VDAC2: variants seen among roughly 807,000 people sequenced by gnomAD.
The protein encoded by VDAC2 is non-selective voltage-gated ion channel VDAC2.
In VDAC2, 6 loss-of-function variants were observed where a neutral mutation model predicts 36.6. That is an observed-to-expected ratio of 0.16 (90% confidence interval 0.09 to 0.32). The LOEUF (loss-of-function observed/expected upper bound fraction) is 0.32, where lower values mean the gene tolerates loss of function less well. VDAC2 is among the 10% of genes least tolerant of loss of function. VDAC2 has a pLI of 1.00. For synonymous variants in VDAC2, 109 were observed against 123.8 expected (o/e 0.88, Z 0.79); for missense variants, 247 against 346.0 (o/e 0.71, Z 2.27).
chr10:75,211,363 T>G, intron 2 of VDAC2, 174 bp downstream of exon 2: 2 of 1,395,366 alleles, frequency 1.4e-6, no homozygotes, highest in East Asian at 2.6e-5. Context: ...GCTGCTGGAT[T>G]TCAAATGGGG....
At chr10:75,227,577 A>ATTTTTTTTTTTTTTTTTTTTTTTT (rs35378957) in intron 8 of VDAC2, among the ~76,000 whole-genome samples, 2 of 99,928 alleles carry the variant, frequency 2.0e-5, no homozygotes, top group African/African-American at 9.0e-5. Context: ...AATAATAGGA[A>ATTTTTTTTTTTTTTTTTTTTTTTT]TTTTTTTTTT....
In VDAC2 at chr10:75,220,658, C is replaced by T. The variant is rs562203066; in HGVS notation, c.357-85C>T. 7 of 1,134,004 alleles carry T rather than the reference C, an allele frequency of 6.2e-6. No individual in the cohort carries two copies. In the South Asian group the frequency reaches 1.1e-4, roughly 17 times the overall value. 70.2% of individuals were successfully genotyped at this position (1,134,004 alleles called of 1,614,324 possible). On this transcript the variant is annotated intron_variant, in intron 6 of 9. Coordinates refer to ENST00000332211, the MANE Select transcript of VDAC2 (RefSeq NM_001391963.1). Reference sequence around the variant, plus strand: ...TGATTTTTACTCCCTGGTCATACTGCAGTTTATTTAAGTCTGTTTTGTGCT... The same window carrying T: ...TGATTTTTACTCCCTGGTCATACTGTAGTTTATTTAAGTCTGTTTTGTGCT...
At chr10:75,215,723 T>TC (rs1338605985) in intron 4 of VDAC2, among the ~76,000 whole-genome samples, 1 of 147,196 alleles carries the variant, frequency 6.8e-6, no homozygotes. Flanking sequence ...TTTGTTTTGT[T>TC]TTTTTTTTTT....
At chr10:75,227,227 C>G (rs1187645696) in intron 8 of VDAC2, among the ~76,000 whole-genome samples, 4 of 152,242 alleles carry the variant, frequency 2.6e-5, no homozygotes, top group African/African-American at 9.6e-5. Flanking sequence ...CTGTGTGCCA[C>G]CCTAGGAAAT....
chr10:75,230,804 C>A, intron 9 of VDAC2, 94 bp from the exon 10 acceptor site: 2 of 1,055,038 alleles, frequency 1.9e-6, no homozygotes, highest in Non-Finnish European at 2.7e-6. Context: ...AAGTGACAGG[C>A]AGGCTCTGGG....
At chr10:75,229,116 G>C (rs1842038929) in intron 8 of VDAC2, among the ~76,000 whole-genome samples, 2 of 152,102 alleles carry the variant, frequency 1.3e-5, no homozygotes, top group South Asian at 4.1e-4. Flanking sequence ...GAGGATAAAG[G>C]ATTGTTTGAT....
intron 4 of VDAC2, among the ~76,000 whole-genome samples, 200 bp downstream of exon 4, chr10:75,214,270 A>T (rs1841528951): frequency 6.6e-6 from 1 of 152,222 alleles, no homozygotes. Context: ...TCGTCATATT[A>T]TGTATGCACA....
At chr10:75,217,315 G>A (rs765589916) in intron 4 of VDAC2, among the ~76,000 whole-genome samples, 3 of 152,144 alleles carry the variant, frequency 2.0e-5, no homozygotes, top group East Asian at 1.9e-4. Flanking sequence ...TAAATGACAC[G>A]AAGAACTGGA....
intron 7 of VDAC2, 55 bp from the exon 8 acceptor site, chr10:75,222,197 C>G: frequency 6.6e-7 from 1 of 1,521,252 alleles, no homozygotes; most frequent in South Asian, 1.2e-5. Context: ...CAGCCTGTGC[C>G]TTAGACATTA....
In VDAC2 at chr10:75,231,178, C is replaced by T; in HGVS notation, c.*189C>T. The T allele has an allele frequency of 1.8e-6, 1 of 556,118 alleles. No individual in the cohort carries two copies. The highest frequency in any genetic ancestry group is 3.3e-6 in the Non-Finnish European group (1 of 307,342). 34.4% of individuals were successfully genotyped at this position (556,118 alleles called of 1,614,324 possible). On this transcript the variant is annotated 3_prime_UTR_variant, in exon 10 of 10. Coordinates refer to ENST00000332211, the MANE Select transcript of VDAC2 (RefSeq NM_001391963.1). Reference sequence around the variant, plus strand: ...GGTTTCTAGTTGGTTATCTAGTTACCAATGCTGCAGTCCTGCAGTCACCTA... The same window carrying T: ...GGTTTCTAGTTGGTTATCTAGTTACTAATGCTGCAGTCCTGCAGTCACCTA...
chr10:75,211,473 C>T (rs899765794), intron 2 of VDAC2: 12 of 1,519,650 alleles, frequency 7.9e-6, no homozygotes, highest in Non-Finnish European at 8.8e-6. Flanking sequence ...GGGGATTCTG[C>T]CTTTGGAGGA....
At chr10:75,211,917 C>T (rs963127769) in intron 2 of VDAC2, among the ~76,000 whole-genome samples, 2 of 152,222 alleles carry the variant, frequency 1.3e-5, no homozygotes, top group Non-Finnish European at 2.9e-5. Context: ...AATATCCATA[C>T]ACACAAATAC....
At chr10:75,221,303 T>C (rs1283802284) in intron 7 of VDAC2, among the ~76,000 whole-genome samples, 1 of 152,226 alleles carries the variant, frequency 6.6e-6, no homozygotes, top group African/African-American at 2.4e-5. Context: ...TAGGATTGCC[T>C]AAAATGTATG....
At chr10:75,214,212 CTGATT>C (rs1841527479) in intron 4 of VDAC2, 142 bp downstream of exon 4, 1 of 831,360 alleles carries the variant, frequency 1.2e-6, no homozygotes, top group Non-Finnish European at 1.9e-6. Flanking sequence ...TGCGTGTAAC[CTGATT>C]TATTTTGGCC....
At chr10:75,214,000 T>C in intron 3 of VDAC2, 21 bp from the exon 4 acceptor site, 2 of 1,612,528 alleles carry the variant, frequency 1.2e-6, no homozygotes, top group Non-Finnish European at 1.7e-6. Flanking sequence ...TTTTGTTTCT[T>C]TTGCTGTCTA....
intron 4 of VDAC2, among the ~76,000 whole-genome samples, chr10:75,217,654 AG>A (rs1841648119): frequency 6.6e-6 from 1 of 152,164 alleles, no homozygotes; most frequent in African/African-American, 2.4e-5. Flanking sequence ...CTGGGATTAC[AG>A]GTGTGACCCA....
intron 9 of VDAC2, among the ~76,000 whole-genome samples, chr10:75,230,612 T>C (rs989158599): frequency 2.0e-5 from 3 of 152,250 alleles, no homozygotes; most frequent in Admixed American, 6.5e-5. Flanking sequence ...CTTTAGTCTC[T>C]TTTCATCGGG....
At chr10:75,221,539 G>C (rs1841813916) in intron 7 of VDAC2, among the ~76,000 whole-genome samples, 2 of 152,150 alleles carry the variant, frequency 1.3e-5, no homozygotes, top group Non-Finnish European at 2.9e-5. Flanking sequence ...CACCATGCTG[G>C]CAAGGCTGGT....
intron 4 of VDAC2, chr10:75,217,861 C>A (rs550414347): frequency 4.0e-6 from 5 of 1,235,944 alleles, no homozygotes; most frequent in African/African-American, 1.6e-5. Flanking sequence ...CCTATTGATA[C>A]AATTTTTGAT....
Sources: gnomAD v4.1 joint callset for allele counts (sites outside exome capture counted in the v4.1 genomes callset) on GRCh38, gnomAD v4.1.1 for gene constraint, MANE v1.5 for transcripts, NCBI Gene and HGNC (gene_info 2026-07-23, HGNC 2026-07-21) for gene names.